The following BRD8 variants were observed in gnomAD, a reference collection of about 807,000 sequenced individuals.
BRD8 encodes bromodomain containing 8.
A neutral mutation model predicts 143.1 loss-of-function variants in BRD8; 67 were observed. The observed-to-expected ratio is 0.47, with a 90% CI of 0.38 to 0.57. BRD8 has a LOEUF of 0.57. Ranked by LOEUF, BRD8 falls within the 20% of genes least tolerant of loss-of-function variation. The probability of loss-of-function intolerance (pLI) is 0.00; values close to 1 mark genes in which losing one functional copy is unlikely to be tolerated. For synonymous variants in BRD8, 505 were observed against 517.1 expected (o/e 0.98, Z 0.32); for missense variants, 1,103 against 1,503.0 (o/e 0.73, Z 4.40).
intron 13 of BRD8, 56 bp from the exon 14 acceptor site, chr5:138,164,189 T>C (rs1753220282): frequency 1.5e-5 from 24 of 1,594,558 alleles, no homozygotes; most frequent in Non-Finnish European, 2.1e-5. Flanking sequence ...TTCCCCTTCC[T>C]ATGGACCATA....
Position 138,171,034 on chromosome 5 carries a change from G to GTA in BRD8, c.359+2_359+3dup. 1 of 1,613,276 alleles carries GTA rather than the reference G, an allele frequency of 6.2e-7. No homozygotes were observed. The highest frequency in any genetic ancestry group is 8.5e-7 in the Non-Finnish European group (1 of 1,179,838). On this transcript the variant is annotated splice_donor_region_variant and intron_variant, in intron 5 of 26. Coordinates refer to ENST00000254900, the MANE Select transcript of BRD8 (RefSeq NM_139199.2). ...AATTTTTTGGCATTCTCTCTGATAA[G>GTA]TACCTATATCTCTCCTGGGTTTCCT...
Position 138,143,792 on chromosome 5 carries a change from CACCAATCAGCACTCTATAAAAATGG to C in BRD8, c.3437+1360_3437+1384del, listed in dbSNP as rs1397768085. 2.0e-3 allele frequency among the ~76,000 whole-genome samples: 306 copies of C among 152,206 alleles called. 2 individuals carry two copies. The highest frequency in any genetic ancestry group is 6.9e-3 in the African/African-American group (287 of 41,530). On this transcript the variant is annotated intron_variant, in intron 25 of 26. Transcript: ENST00000254900. ...ACGCACCAAAAAAGGTTTGTAAACG[CACCAATCAGCACTCTATAAAAATGG>C]ACCAATCAGCACTCTGTAAAATGGA...
chr5:138,166,520 G>A lies in BRD8; in HGVS notation c.995C>T (p.Pro332Leu). ...PAVSTTESVA[P>L]VSQPDNCVPM... ...CTAGTGGCTGCTCAGGGACGCACCT[G>A]GAGCTACACTTTCAGTAGTGGAGAC... The change falls in exon 10 of 27, where the codon CCA becomes CTA. Residue 332 changes from proline to leucine, a missense_variant and splice_region_variant. Coordinates refer to ENST00000254900, the MANE Select transcript of BRD8 (RefSeq NM_139199.2). 6.2e-7 allele frequency: 1 copy of A among 1,600,092 alleles called. No individual in the cohort carries two copies. Among genetic ancestry groups the A allele is most frequent in the Non-Finnish European group, 8.5e-7 (1 of 1,171,328 alleles).
rs1237031240 is a variant in BRD8, at chr5:138,140,135, C to A, written c.3647G>T (p.Gly1216Val). The A allele has an allele frequency of 1.9e-6, 3 of 1,613,858 alleles. No homozygotes were observed. The highest frequency in any genetic ancestry group is 1.3e-5 in the African/African-American group (1 of 75,040). The change falls in exon 27 of 27, where the codon GGC (glycine) becomes GTC (valine). Residue 1216 changes from glycine to valine, a missense_variant. By Grantham distance (109) the Gly-to-Val change is moderately radical (BLOSUM62 -3). Transcript: ENST00000254900. ...VLNIWLDKRK[G>V]SSSLEGEPAN... ...TGGTTCTCCTTCCAGACTACTTGAG[C>A]CTTTTCTTTTGTCTAACCAGATATT...
chr5:138,165,843 G>C lies in BRD8; in HGVS notation c.1263C>G (p.Ala421=). ...LDFETVGDII[A]IIEDKVDDHP... ...GAATAGTTACCTTGTCCTCAATGAT[G>C]GCAATGATGTCTCCAACAGTCTCAA... The change falls in exon 11 of 27, where the codon GCC becomes GCG. Residue 421 remains alanine, a synonymous_variant. Coordinates refer to ENST00000254900, the MANE Select transcript of BRD8 (RefSeq NM_139199.2). 1 of 1,613,718 alleles carries C rather than the reference G, an allele frequency of 6.2e-7. No individual in the cohort carries two copies. Among genetic ancestry groups the C allele is most frequent in the East Asian group, 2.2e-5 (1 of 44,864 alleles).
At chr5:138,155,265 G>A (rs1381117708) in intron 20 of BRD8, among the ~76,000 whole-genome samples, 1 of 151,706 alleles carries the variant, frequency 6.6e-6, no homozygotes, top group Non-Finnish European at 1.5e-5. Flanking sequence ...TGACCAACAT[G>A]GAGAAACCCC....
intron 20 of BRD8, among the ~76,000 whole-genome samples, chr5:138,158,327 CAG>C (rs1477936969): frequency 6.6e-6 from 1 of 152,194 alleles, no homozygotes; most frequent in Non-Finnish European, 1.5e-5. Context: ...ATGAACAACA[CAG>C]AGTCAGAGCC....
intron 2 of BRD8, among the ~76,000 whole-genome samples, chr5:138,174,156 T>TTGTGTGTGTGTGTGTGTGTG (rs56254005): frequency 6.7e-6 from 1 of 149,494 alleles, no homozygotes. Context: ...CAGTATTCCA[T>TTGTGTGTGTGTGTGTGTGTG]TGTGTGTGTG....
chr5:138,146,831 G>A (rs1031670422), intron 23 of BRD8, among the ~76,000 whole-genome samples: 17 of 151,690 alleles, frequency 1.1e-4, no homozygotes, highest in African/African-American at 3.1e-4. Context: ...TTAGCTGGGC[G>A]TGGTGGCGGG....
chr5:138,155,212 C>G (rs574027101), intron 20 of BRD8, among the ~76,000 whole-genome samples: 1 of 151,582 alleles, frequency 6.6e-6, no homozygotes, highest in African/African-American at 2.4e-5. Context: ...TTTGGGAGGC[C>G]GAAGCGGGTG....
chr5:138,149,536 A>C, intron 23 of BRD8, 104 bp downstream of exon 23: 1 of 1,054,012 alleles, frequency 9.5e-7, no homozygotes. Flanking sequence ...TGTGTTTTCC[A>C]ACTCTAATTT....
chr5:138,157,136 G>A lies in BRD8; in HGVS notation c.2577+2419C>T, dbSNP rs957047188. On this transcript the variant is annotated intron_variant, in intron 20 of 26. Coordinates refer to ENST00000254900, the MANE Select transcript of BRD8 (RefSeq NM_139199.2). The stretch of plus-strand genomic sequence containing the variant: ...TCTGTAACTTCCACCTCTGGAACTG[G>A]GCCCGCAAGCCCAAGCTCTATCTTG... 5.9e-5 allele frequency: 95 copies of A among 1,600,836 alleles called. No individual in the cohort carries two copies. In the East Asian group the frequency reaches 2.0e-3, roughly 34 times the overall value.
Position 138,165,852 on chromosome 5 carries a change from G to C in BRD8, c.1254C>G (p.Asp418Glu). 1 of 1,612,860 alleles carries C rather than the reference G, an allele frequency of 6.2e-7. No homozygotes were observed. Among genetic ancestry groups the C allele is most frequent in the Non-Finnish European group, 8.5e-7 (1 of 1,179,242 alleles). Residue 418 changes from aspartate to glutamate, a missense_variant, in exon 11 of 27, where the codon GAC becomes GAG. Asp to Glu is a conservative substitution (Grantham distance 45). This residue lies in a region of BRD8 where 53 missense variants were observed against 101.4 expected (regional missense o/e 0.52). Coordinates refer to ENST00000254900, the MANE Select transcript of BRD8 (RefSeq NM_139199.2). The part of the protein sequence containing the change: ...GEELDFETVG[D>E]IIAIIEDKVD... ...CCTTGTCCTCAATGATGGCAATGAT[G>C]TCTCCAACAGTCTCAAAATCCAGCT... is the stretch of plus-strand genomic sequence containing the variant.
intron 11 of BRD8, among the ~76,000 whole-genome samples, chr5:138,165,394 G>A (rs1020313564): frequency 1.3e-5 from 2 of 152,110 alleles, no homozygotes; most frequent in African/African-American, 4.8e-5. Context: ...GATGGAGATG[G>A]GCAGAAGTAG....
chr5:138,144,913 AAAAAAATAT>A (rs1390590673), intron 25 of BRD8, among the ~76,000 whole-genome samples: 2 of 144,496 alleles, frequency 1.4e-5, no homozygotes, highest in African/African-American at 5.2e-5. Flanking sequence ...AAAAAAAAAA[AAAAAAATAT>A]ATATATATAT....
intron 23 of BRD8, 133 bp downstream of exon 23, chr5:138,149,507 C>A: frequency 1.4e-6 from 1 of 701,364 alleles, no homozygotes; most frequent in East Asian, 3.1e-5. Flanking sequence ...TAAAATTATA[C>A]TTAATTAATT....
chr5:138,165,274 T>C, intron 11 of BRD8, 108 bp from the exon 12 acceptor site: 1 of 1,242,076 alleles, frequency 8.1e-7, no homozygotes. Flanking sequence ...TTCGCTCCAT[T>C]TTTTCCATGT....
chr5:138,170,689 C>T lies in BRD8; in HGVS notation c.440+143G>A. The T allele has an allele frequency of 4.9e-6, 4 of 809,318 alleles. No individual in the cohort carries two copies. In the South Asian group the frequency reaches 6.2e-5, roughly 13 times the overall value. The allele number at this position is 809,318 out of a possible 1,614,324, so 50.1% of individuals were successfully genotyped here. ...CTAGGACTCACTCCCCCCTCCCAGCCACCAAACCACTTTGCAGCTTTCCCC... is the reference window on the plus strand; with the variant it reads ...CTAGGACTCACTCCCCCCTCCCAGCTACCAAACCACTTTGCAGCTTTCCCC... On this transcript the variant is annotated intron_variant, in intron 6 of 26. Coordinates refer to ENST00000254900, the MANE Select transcript of BRD8 (RefSeq NM_139199.2).
intron 21 of BRD8, among the ~76,000 whole-genome samples, chr5:138,151,641 CA>C (rs1245299826): frequency 6.7e-6 from 1 of 148,624 alleles, no homozygotes; most frequent in African/African-American, 2.4e-5. Context: ...GAAATTCAGT[CA>C]AAAAGCATGT....
Sources: gnomAD v4.1 joint callset for allele counts (sites outside exome capture counted in the v4.1 genomes callset) on GRCh38, gnomAD v4.1.1 for gene constraint, gnomAD v4.1.1 regional missense constraint, MANE v1.5 for transcripts, NCBI Gene and HGNC (gene_info 2026-07-23, HGNC 2026-07-21) for gene names.